SEMA3C: variants seen among roughly 807,000 people sequenced by gnomAD.
SEMA3C encodes semaphorin 3C.
SEMA3C carries 47 observed loss-of-function variants against 89.4 expected under a neutral mutation model. That is an observed-to-expected ratio of 0.53 (90% CI 0.42 to 0.67). The LOEUF (loss-of-function observed/expected upper bound fraction) is 0.67, where lower values mean the gene tolerates loss of function less well. Among genes scored for constraint, SEMA3C ranks in the 30% least tolerant of loss-of-function variants. The pLI is 0.00. For missense variants in SEMA3C, 839 were observed against 929.1 expected, an observed-to-expected ratio of 0.90 and a Z score of 1.26; for synonymous variants, 310 against 320.2, an observed-to-expected ratio of 0.97 and a Z score of 0.34.
chr7:80,760,147 A>T (rs1230853505), intron 14 of SEMA3C, among the ~76,000 whole-genome samples: 1 of 152,246 alleles, frequency 6.6e-6, no homozygotes, highest in Non-Finnish European at 1.5e-5. Context: ...ATGATGCAGT[A>T]TGCAGTTGTA....
chr7:80,771,601 G>A (rs1788435727), intron 12 of SEMA3C, among the ~76,000 whole-genome samples: 1 of 152,104 alleles, frequency 6.6e-6, no homozygotes, highest in African/African-American at 2.4e-5. Flanking sequence ...GCTGCCTCAT[G>A]CGAGTGATCA....
chr7:80,767,473 C>A (rs1007610818), intron 12 of SEMA3C, among the ~76,000 whole-genome samples: 3 of 152,070 alleles, frequency 2.0e-5, no homozygotes, highest in Non-Finnish European at 2.9e-5. Context: ...TATAATCATG[C>A]CACTCTACCA....
At chr7:80,894,421 T>C (rs1338484148) in intron 2 of SEMA3C, among the ~76,000 whole-genome samples, 3 of 152,158 alleles carry the variant, frequency 2.0e-5, no homozygotes, top group Non-Finnish European at 2.9e-5. Context: ...TTTTACATGA[T>C]TTAGTTTTTC....
At chr7:80,782,375 C>T (rs1387801642) in intron 12 of SEMA3C, among the ~76,000 whole-genome samples, 1 of 152,142 alleles carries the variant, frequency 6.6e-6, no homozygotes, top group Non-Finnish European at 1.5e-5. Flanking sequence ...AAAATGAGTG[C>T]TATCACTCAA....
At chr7:80,846,864 G>T (rs1221229472) in intron 2 of SEMA3C, among the ~76,000 whole-genome samples, 1 of 152,182 alleles carries the variant, frequency 6.6e-6, no homozygotes, top group Non-Finnish European at 1.5e-5. Context: ...GAGGAGTTAA[G>T]TATGTGTTGA....
intron 15 of SEMA3C, among the ~76,000 whole-genome samples, chr7:80,755,104 T>C (rs1788036140): frequency 6.6e-6 from 1 of 151,826 alleles, no homozygotes; most frequent in Non-Finnish European, 1.5e-5. Context: ...CTAGCCAAGA[T>C]AACTCTTTAA....
intron 2 of SEMA3C, among the ~76,000 whole-genome samples, chr7:80,867,964 T>C (rs1369596554): frequency 6.6e-5 from 10 of 152,224 alleles, no homozygotes; most frequent in African/African-American, 2.4e-4. Context: ...TTTTTAGCTA[T>C]TGTAGTATCT....
intron 12 of SEMA3C, among the ~76,000 whole-genome samples, chr7:80,784,092 C>T (rs1461489911): frequency 1.3e-5 from 2 of 152,060 alleles, no homozygotes; most frequent in Non-Finnish European, 2.9e-5. Context: ...CTGACCTAGA[C>T]ACTTAAATAT....
At chr7:80,859,861 A>G (rs546497240) in intron 2 of SEMA3C, among the ~76,000 whole-genome samples, 1 of 152,058 alleles carries the variant, frequency 6.6e-6, no homozygotes, top group Admixed American at 6.6e-5. Flanking sequence ...AGCAATCTCT[A>G]ACACCTTTCA....
chr7:80,769,673 C>A (rs1788381693), intron 12 of SEMA3C, among the ~76,000 whole-genome samples: 1 of 152,060 alleles, frequency 6.6e-6, no homozygotes, highest in African/African-American at 2.4e-5. Context: ...GCCTGGCCAA[C>A]ATGGCGAAAC....
intron 12 of SEMA3C, among the ~76,000 whole-genome samples, chr7:80,779,532 T>C (rs1250125006): frequency 2.0e-5 from 3 of 152,122 alleles, no homozygotes; most frequent in Non-Finnish European, 4.4e-5. Flanking sequence ...TTCTAACCCC[T>C]GTCTTAATTT....
chr7:80,782,440 G>A (rs981397945), intron 12 of SEMA3C, among the ~76,000 whole-genome samples: 2 of 152,114 alleles, frequency 1.3e-5, no homozygotes, highest in African/African-American at 4.8e-5. Context: ...ATATTATCAT[G>A]ATATATGTGG....
Position 80,918,967 on chromosome 7 carries a change from A to G in SEMA3C, c.-178T>C. On this transcript the variant is annotated 5_prime_UTR_variant, in exon 1 of 18. Coordinates refer to ENST00000265361, the MANE Select transcript of SEMA3C (RefSeq NM_006379.5). Reference sequence around the variant, plus strand: ...GAAATTCTTTCTTCCCGGTCCTCTGAGTTTCTTTGTAAAGGAATCTCAGCG... The same window carrying G: ...GAAATTCTTTCTTCCCGGTCCTCTGGGTTTCTTTGTAAAGGAATCTCAGCG... 1.0e-6 allele frequency: 1 copy of G among 985,298 alleles called. No homozygotes were observed. The highest frequency in any genetic ancestry group is 4.7e-5 in the South Asian group (1 of 21,278). The allele number at this position is 985,298 out of a possible 1,614,324, so 61.0% of individuals were successfully genotyped here. A position where few individuals can be genotyped will look rare whatever the true frequency, so the allele number is the denominator to read the frequency against.
chr7:80,789,047 T>C (rs184722403), intron 12 of SEMA3C, among the ~76,000 whole-genome samples: 163 of 152,138 alleles, frequency 1.1e-3, no homozygotes, highest in Non-Finnish European at 2.0e-3. Context: ...GAAAATCATA[T>C]AGCCCTACCT....
intron 15 of SEMA3C, among the ~76,000 whole-genome samples, chr7:80,754,267 A>G (rs1437964338): frequency 2.0e-5 from 3 of 152,078 alleles, no homozygotes; most frequent in Non-Finnish European, 4.4e-5. Context: ...AAAAACGGAG[A>G]CTATTGAGCC....
rs1205211170 is a variant in SEMA3C at position 80,742,895 on chromosome 7, T to C, written c.*1999A>G. On this transcript the variant is annotated 3_prime_UTR_variant, in exon 18 of 18. Coordinates refer to ENST00000265361, the MANE Select transcript of SEMA3C (RefSeq NM_006379.5). ...AGAATTTCTACATTTTTAAAAGTAATGAAAGTGTACACAATTTAATAATTG... is the reference window on the plus strand; with the variant it reads ...AGAATTTCTACATTTTTAAAAGTAACGAAAGTGTACACAATTTAATAATTG... The C allele has an allele frequency of 1.3e-5, 2 of 151,912 alleles. No homozygotes were observed. Among genetic ancestry groups the C allele is most frequent in the African/African-American group, 4.8e-5 (2 of 41,416 alleles). 9.4% of individuals were successfully genotyped at this position (151,912 alleles called of 1,614,324 possible). A position where few individuals can be genotyped will look rare whatever the true frequency, so the allele number is the denominator to read the frequency against.
chr7:80,765,328 TA>T, intron 12 of SEMA3C, 85 bp from the exon 13 acceptor site: 2 of 939,128 alleles, frequency 2.1e-6, no homozygotes, highest in Non-Finnish European at 3.4e-6. Context: ...CTTGGACCAT[TA>T]TTTACATAAG....
chr7:80,810,932 C>A (rs117040874), intron 5 of SEMA3C, among the ~76,000 whole-genome samples: 2,124 of 152,228 alleles, frequency 0.014, 63 homozygotes, highest in Admixed American at 0.068. Context: ...CCCCAGAGAG[C>A]TGATCCAAGA....
chr7:80,828,488 T>G (rs2115815544), intron 3 of SEMA3C, 97 bp downstream of exon 3: 1 of 991,006 alleles, frequency 1.0e-6, no homozygotes, highest in South Asian at 2.0e-5. Context: ...TTTTCTATTG[T>G]TCTAATAAAA....
Sources: allele counts gnomAD v4.1 joint callset (sites outside exome capture counted in the v4.1 genomes callset), GRCh38; gene constraint gnomAD v4.1.1; transcripts MANE v1.5; gene names NCBI Gene and HGNC (gene_info 2026-07-23, HGNC 2026-07-21).